RTKN: variants seen among roughly 807,000 people sequenced by gnomAD.
RTKN encodes rhotekin.
A neutral mutation model predicts 63.5 loss-of-function variants in RTKN; 49 were observed. The ratio of observed to expected loss-of-function variants is 0.77; its 90% CI spans 0.61 to 0.98. The LOEUF is 0.98. Ranked by LOEUF, RTKN falls within the 50% of genes least tolerant of loss-of-function variation. The pLI is 0.00. For missense variants in RTKN, 685 were observed against 740.8 expected, an observed-to-expected ratio of 0.92 and a Z score of 0.87; for synonymous variants, 295 against 290.4, an observed-to-expected ratio of 1.02 and a Z score of -0.16.
rs1671083793 is a variant in RTKN, at chr2:74,436,740, T to TCCCAAGG, written c.112-4081_112-4075dup. Among the ~76,000 whole-genome samples the TCCCAAGG allele has an allele frequency of 6.6e-6, 1 of 152,082 alleles. No individual in the cohort carries two copies. Among genetic ancestry groups the TCCCAAGG allele is most frequent in the Middle Eastern group, 3.4e-3 (1 of 294 alleles). On this transcript the variant is annotated intron_variant, in intron 1 of 11. Transcript: ENST00000272430. This position sits in a 1 kb window ranked among gnomAD's most constrained non-coding sequence, Gnocchi z 4.3. ...CTGATCTCCAGCCCCAAATCCACTCTCCCAAGGCCCAAGGCCGGGAGCGCC... is the reference window on the plus strand; with the variant it reads ...CTGATCTCCAGCCCCAAATCCACTCTCCCAAGGCCCAAGGCCCAAGGCCGGGAGCGCC...
At chr2:74,435,489 G>A (rs1671006886) in intron 1 of RTKN, among the ~76,000 whole-genome samples, 3 of 152,190 alleles carry the variant, frequency 2.0e-5, no homozygotes, top group Admixed American at 1.3e-4. Context: ...TACTGTCCAA[G>A]GTTGTACATT....
chr2:74,441,633 G>C, intron 1 of RTKN, 73 bp downstream of exon 1: 1 of 1,092,150 alleles, frequency 9.2e-7, no homozygotes. Context: ...CGCGGGCGAG[G>C]GAAGGAGGCC....
intron 1 of RTKN, chr2:74,439,701 C>T: frequency 1.3e-6 from 2 of 1,587,368 alleles, no homozygotes; most frequent in Non-Finnish European, 8.6e-7. Context: ...TCCCACAGTT[C>T]CTCCTCCCAC....
chr2:74,426,024 T>G lies in RTKN; in HGVS notation c.*219A>C. ...GTTCCAGTTTTCTTCCAGGAAGGGTTTAGGGAGGTCCCAGCGAGCCCCAGG... is the reference window on the plus strand; with the variant it reads ...GTTCCAGTTTTCTTCCAGGAAGGGTGTAGGGAGGTCCCAGCGAGCCCCAGG... On this transcript the variant is annotated 3_prime_UTR_variant, in exon 12 of 12. Transcript: ENST00000272430. The G allele has an allele frequency of 1.6e-6, 1 of 643,906 alleles. No individual in the cohort carries two copies. The highest frequency in any genetic ancestry group is 1.9e-5 in the South Asian group (1 of 52,134). 39.9% of individuals were successfully genotyped at this position (643,906 alleles called of 1,614,324 possible). A position where few individuals can be genotyped will look rare whatever the true frequency, so the allele number is the denominator to read the frequency against.
At chr2:74,429,579 TGCTGCTAAAAAGGTAAGACCCCAGG>T (rs1347552267) in intron 6 of RTKN, among the ~76,000 whole-genome samples, 1 of 150,620 alleles carries the variant, frequency 6.6e-6, no homozygotes, top group Non-Finnish European at 1.5e-5. Flanking sequence ...ATGTATTTGC[TGCTGCTAAAAAGGTAAGACCCCAGG>T]GCCTAAGTCT....
rs770229553 is a variant in RTKN at position 74,429,859 on chromosome 2, T to G, written c.724A>C (p.Ser242Arg). 4 of 1,614,104 alleles carry G rather than the reference T, an allele frequency of 2.5e-6. No individual in the cohort carries two copies. The highest frequency in any genetic ancestry group is 1.3e-5 in the African/African-American group (1 of 75,058). The change falls in exon 6 of 12, where the codon AGT becomes CGT. Residue 242 changes from serine (S) to arginine (R), a missense_variant. Ser to Arg is a moderately radical substitution (Grantham distance 110). Coordinates refer to ENST00000272430, the MANE Select transcript of RTKN (RefSeq NM_001015055.2). ...ACTGGGGTGGGGAGCAAGATGGGAC[T>G]GCTCCCTGAACCCCCAGCACTGTCC... The part of the protein sequence containing the change: ...SLDSAGGSGS[S>R]PILLPTPVVG...
Position 74,436,687 on chromosome 2 carries a change from G to T in RTKN, c.112-4021C>A, listed in dbSNP as rs748211906. On this transcript the variant is annotated intron_variant, in intron 1 of 11. Transcript: ENST00000272430. This position sits in a 1 kb window ranked among gnomAD's most constrained non-coding sequence, Gnocchi z 4.3. ...GCCCAGCATGGATGAGTGGGACCAC[G>T]AGTCCAGACACCTCCTCTATTTCCC... Among the ~76,000 whole-genome samples the T allele has an allele frequency of 8.5e-5, 13 of 152,088 alleles. No homozygotes were observed. The highest frequency in any genetic ancestry group is 3.1e-4 in the African/African-American group (13 of 41,406).
intron 1 of RTKN, among the ~76,000 whole-genome samples, chr2:74,434,920 G>T (rs2103909360): frequency 6.6e-6 from 1 of 152,274 alleles, no homozygotes; most frequent in Middle Eastern, 3.4e-3. Context: ...CAACTCATGG[G>T]AATGGACAGA....
intron 2 of RTKN, chr2:74,431,851 G>C (rs1389860128): frequency 6.3e-6 from 1 of 157,780 alleles, no homozygotes; most frequent in Non-Finnish European, 1.4e-5. Context: ...CATATTCTTA[G>C]AATAATTTGC....
At chr2:74,433,434 CAT>C (rs1670875383) in intron 1 of RTKN, among the ~76,000 whole-genome samples, 2 of 151,826 alleles carry the variant, frequency 1.3e-5, no homozygotes, top group African/African-American at 4.8e-5. Context: ...TTATCTTACA[CAT>C]ATAATTTCAC....
chr2:74,441,629 C>T, intron 1 of RTKN, 77 bp downstream of exon 1: 1 of 1,039,410 alleles, frequency 9.6e-7, no homozygotes, highest in Non-Finnish European at 1.5e-6. Flanking sequence ...TGCACGCGGG[C>T]GAGGGAAGGA....
rs1222128832 is a variant in RTKN at position 74,432,225 on chromosome 2, TCAGATCAGCTA to T, written c.311+231_311+241del. ...GTGCTTTTGCATTACTTGCTACCCT[TCAGATCAGCTA>T]CCTTTCACCAGACACACCGACTTTT... On this transcript the variant is annotated intron_variant, in intron 2 of 11. Transcript: ENST00000272430. The T allele has an allele frequency of 4.4e-6, 3 of 677,848 alleles. No homozygotes were observed. The African/African-American group carries it at 5.3e-5, about 12-fold the overall frequency. 42.0% of individuals were successfully genotyped at this position (677,848 alleles called of 1,614,324 possible).
At position 74,436,490 on chromosome 2, in the gene RTKN, C is replaced by A. The variant is rs1671069318; in HGVS notation, c.112-3824G>T. 6.6e-6 allele frequency among the ~76,000 whole-genome samples: 1 copy of A among 152,146 alleles called. No homozygotes were observed. The highest frequency in any genetic ancestry group is 1.5e-5 in the Non-Finnish European group (1 of 68,012). On this transcript the variant is annotated intron_variant, in intron 1 of 11. Transcript: ENST00000272430. The surrounding 1 kb of genome is among the most constrained non-coding windows in gnomAD (Gnocchi z 4.3). Reference sequence around the variant, plus strand: ...CTCCATCGCGGCGGGACCGGACCTCCAGGAGTGCGCCCGCGCCGCCCTGGA... The same window carrying A: ...CTCCATCGCGGCGGGACCGGACCTCAAGGAGTGCGCCCGCGCCGCCCTGGA...
In RTKN at chr2:74,428,339, G is replaced by A; in HGVS notation, c.1015C>T (p.Leu339Phe). The A allele has an allele frequency of 6.2e-7, 1 of 1,614,154 alleles. No individual in the cohort carries two copies. The highest frequency in any genetic ancestry group is 1.1e-5 in the South Asian group (1 of 91,084). ...TCCTCAGGTTGCCGGTAACAGAAGA[G>A]GTTTGTGCCTTTCAGAACTCCATGC... ...QVHGVLKGTN[L>F]FCYRQPEDAD... Residue 339 changes from leucine (L) to phenylalanine (F), a missense_variant, in exon 9 of 12, where the codon CTC becomes TTC. Transcript: ENST00000272430.
chr2:74,428,484 C>G, intron 8 of RTKN, 88 bp from the exon 9 acceptor site: 1 of 1,606,048 alleles, frequency 6.2e-7, no homozygotes, highest in Non-Finnish European at 8.5e-7. Context: ...TTCGTTTTGT[C>G]CACCCTGCTG....
At chr2:74,432,406 GCAC>G in intron 2 of RTKN, 58 bp downstream of exon 2, 5 of 1,490,894 alleles carry the variant, frequency 3.4e-6, no homozygotes, top group Non-Finnish European at 3.7e-6. Flanking sequence ...CGCACATGCT[GCAC>G]CACCACCACC....
At chr2:74,429,437 T>C (rs1670610908) in intron 6 of RTKN, among the ~76,000 whole-genome samples, 1 of 152,160 alleles carries the variant, frequency 6.6e-6, no homozygotes, top group South Asian at 2.1e-4. Context: ...TAAAATGTAT[T>C]TGCTAGGCTG....
Position 74,436,763 on chromosome 2 carries a change from G to A in RTKN, c.112-4097C>T, listed in dbSNP as rs371057202. Reference sequence around the variant, plus strand: ...TCTCCCAAGGCCCAAGGCCGGGAGCGCCCTAGGAAACTGGCTCCCACCCTT... The same window carrying A: ...TCTCCCAAGGCCCAAGGCCGGGAGCACCCTAGGAAACTGGCTCCCACCCTT... On this transcript the variant is annotated intron_variant, in intron 1 of 11. Coordinates refer to ENST00000272430, the MANE Select transcript of RTKN (RefSeq NM_001015055.2). The surrounding 1 kb of genome is among the most constrained non-coding windows in gnomAD (Gnocchi z 4.3). Among the ~76,000 whole-genome samples, 2 of 152,088 alleles carry A rather than the reference G, an allele frequency of 1.3e-5. No homozygotes were observed. The highest frequency in any genetic ancestry group is 2.9e-5 in the Non-Finnish European group (2 of 67,988).
At chr2:74,440,289 C>T (rs887968230) in intron 1 of RTKN, 1 of 919,382 alleles carries the variant, frequency 1.1e-6, no homozygotes, top group Non-Finnish European at 1.3e-6. Context: ...CAGCCCAGCC[C>T]TAGGGCCACC....
Sources: allele counts gnomAD v4.1 joint callset (sites outside exome capture counted in the v4.1 genomes callset), GRCh38; gene constraint gnomAD v4.1.1; non-coding constraint Gnocchi (gnomAD v3.1); transcripts MANE v1.5; gene names NCBI Gene and HGNC (gene_info 2026-07-23, HGNC 2026-07-21).